DCUN1D5: variants seen among roughly 807,000 people sequenced by gnomAD.
The protein encoded by DCUN1D5 is DCN1-like protein 5.
DCUN1D5 carries 10 observed loss-of-function variants against 38.3 expected under a neutral mutation model. That is an observed-to-expected ratio of 0.26 (90% CI 0.16 to 0.44). The LOEUF (loss-of-function observed/expected upper bound fraction) is 0.44. Among genes scored for constraint, DCUN1D5 ranks in the 20% least tolerant of loss-of-function variants. The pLI is 1.00. For missense variants in DCUN1D5, 148 were observed against 275.3 expected (o/e 0.54, Z 3.27); for synonymous variants, 93 against 90.9 (o/e 1.02, Z -0.13).
Position 103,057,198 on chromosome 11 carries a change from A to G in DCUN1D5, c.*5161T>C, listed in dbSNP as rs1004300510. ...ATTTTATTTGCATGACAGAATAGTAAAGTATATAAACTAACTTCACTTAAG... is the reference window on the plus strand; with the variant it reads ...ATTTTATTTGCATGACAGAATAGTAGAGTATATAAACTAACTTCACTTAAG... On this transcript the variant is annotated 3_prime_UTR_variant, in exon 8 of 8. Coordinates refer to ENST00000260247, the MANE Select transcript of DCUN1D5 (RefSeq NM_032299.4). The surrounding 1 kb of genome is among the most constrained non-coding windows in gnomAD (Gnocchi z 4.8). Among the ~76,000 whole-genome samples, 6 of 152,216 alleles carry G rather than the reference A, an allele frequency of 3.9e-5. No homozygotes were observed. The highest frequency in any genetic ancestry group is 1.4e-4 in the African/African-American group (6 of 41,450).
rs1218001070 is a variant in DCUN1D5 at position 103,051,444 on chromosome 11, T to C, written c.*10915A>G. 6.7e-6 allele frequency: 1 copy of C among 148,278 alleles called. No homozygotes were observed. The highest frequency in any genetic ancestry group is 1.5e-5 in the Non-Finnish European group (1 of 67,830). 9.2% of individuals were successfully genotyped at this position (148,278 alleles called of 1,614,324 possible). On this transcript the variant is annotated 3_prime_UTR_variant, in exon 8 of 8. Transcript: ENST00000260247. ...CCTGTGACATAACTTTGGAGTCTCA[T>C]GGGAGTTCCAAAGTTTTTCTCCTGA...
In DCUN1D5 at chr11:103,059,890, A is replaced by C. The variant is rs1861969015; in HGVS notation, c.*2469T>G. ...CCATACGGTATTTCATCCTGTACAA[A>C]GGGAAGTAGTTCTGAAAATTTTACA... On this transcript the variant is annotated 3_prime_UTR_variant, in exon 8 of 8. Transcript: ENST00000260247. 6.6e-6 allele frequency among the ~76,000 whole-genome samples: 1 copy of C among 152,138 alleles called. No individual in the cohort carries two copies. Among genetic ancestry groups the C allele is most frequent in the Non-Finnish European group, 1.5e-5 (1 of 68,020 alleles).
At chr11:103,084,758 G>A (rs1164363815) in intron 2 of DCUN1D5, among the ~76,000 whole-genome samples, 1 of 152,080 alleles carries the variant, frequency 6.6e-6, no homozygotes, top group Admixed American at 6.5e-5. Context: ...GGGAGGCCGA[G>A]GTGGGATTAT....
In DCUN1D5 at chr11:103,056,624, G is replaced by A. The variant is rs188088598; in HGVS notation, c.*5735C>T. On this transcript the variant is annotated 3_prime_UTR_variant, in exon 8 of 8. Transcript: ENST00000260247. This position sits in a 1 kb window ranked among gnomAD's most constrained non-coding sequence, Gnocchi z 4.9. ...TAAAATAAAAATCCCATAAAGGTTC[G>A]AAATTACTGTCTTGCTTCGTGCCCT... Among the ~76,000 whole-genome samples the A allele has an allele frequency of 2.0e-5, 3 of 152,198 alleles. No homozygotes were observed. Among genetic ancestry groups the A allele is most frequent in the Admixed American group, 6.5e-5 (1 of 15,282 alleles).
Position 103,066,082 on chromosome 11 carries a change from A to G in DCUN1D5, c.555+187T>C, listed in dbSNP as rs1367024090. Among the ~76,000 whole-genome samples the G allele has an allele frequency of 6.6e-6, 1 of 151,830 alleles. No homozygotes were observed. Among genetic ancestry groups the G allele is most frequent in the Admixed American group, 6.6e-5 (1 of 15,252 alleles). On this transcript the variant is annotated intron_variant, in intron 6 of 7. Coordinates refer to ENST00000260247, the MANE Select transcript of DCUN1D5 (RefSeq NM_032299.4). The surrounding 1 kb of genome is among the most constrained non-coding windows in gnomAD (Gnocchi z 4.7). Reference sequence around the variant, plus strand: ...GGGGGGGTAGGATTGAAAATATCTTAGGTACAAAATATATTAATAAACATG... The same window carrying G: ...GGGGGGGTAGGATTGAAAATATCTTGGGTACAAAATATATTAATAAACATG...
intron 4 of DCUN1D5, among the ~76,000 whole-genome samples, chr11:103,069,929 A>C (rs1161683310): frequency 6.6e-6 from 1 of 152,210 alleles, no homozygotes; most frequent in East Asian, 1.9e-4. Context: ...TCCAGGTTTC[A>C]ATTTAAAAAA....
Position 103,091,576 on chromosome 11 carries a change from G to A in DCUN1D5, c.86+211C>T. 1 of 759,856 alleles carries A rather than the reference G, an allele frequency of 1.3e-6. No individual in the cohort carries two copies. The highest frequency in any genetic ancestry group is 2.1e-6 in the Non-Finnish European group (1 of 472,502). The allele number at this position is 759,856 out of a possible 1,614,324, so 47.1% of individuals were successfully genotyped here. ...ACTCTTAACGTGGGCGGCTCTTCTA[G>A]TCTCTCCATAAACGCCAGCGTGCAC... On this transcript the variant is annotated intron_variant, in intron 1 of 7. Transcript: ENST00000260247. This position sits in a 1 kb window ranked among gnomAD's most constrained non-coding sequence, Gnocchi z 4.3.
Position 103,052,293 on chromosome 11 carries a change from T to C in DCUN1D5, c.*10066A>G, listed in dbSNP as rs1565277741. 6.6e-6 allele frequency: 1 copy of C among 152,208 alleles called. No individual in the cohort carries two copies. Among genetic ancestry groups the C allele is most frequent in the Non-Finnish European group, 1.5e-5 (1 of 68,024 alleles). The allele number at this position is 152,208 out of a possible 1,614,324, so 9.4% of individuals were successfully genotyped here. ...ACATATGTGTACAATTGGTCATTCA[T>C]TCATTAATTCAGTAAGCAAACTCAA... On this transcript the variant is annotated 3_prime_UTR_variant, in exon 8 of 8. Coordinates refer to ENST00000260247, the MANE Select transcript of DCUN1D5 (RefSeq NM_032299.4).
At position 103,084,296 on chromosome 11, in the gene DCUN1D5, A is replaced by G. The variant is rs532161939; in HGVS notation, c.179-970T>C. Among the ~76,000 whole-genome samples the G allele has an allele frequency of 7.6e-4, 116 of 152,330 alleles. 1 individual carries two copies. The highest frequency in any genetic ancestry group is 1.2e-4 in the Non-Finnish European group (8 of 68,026). The stretch of plus-strand genomic sequence containing the variant: ...TCAAGGATGAAAATCCTCCAGCTTT[A>G]TAAACCATAGACTAGACCAAGGCTG... On this transcript the variant is annotated intron_variant, in intron 2 of 7. Coordinates refer to ENST00000260247, the MANE Select transcript of DCUN1D5 (RefSeq NM_032299.4).
At position 103,073,499 on chromosome 11, in the gene DCUN1D5, T is replaced by C. The variant is rs1017336767; in HGVS notation, c.342-6932A>G. ...TAAAACAATTTTGAAACAGGATGCATAAGTCTACCTGATTTCAAGTCTTAG... is the reference window on the plus strand; with the variant it reads ...TAAAACAATTTTGAAACAGGATGCACAAGTCTACCTGATTTCAAGTCTTAG... On this transcript the variant is annotated intron_variant, in intron 4 of 7. Coordinates refer to ENST00000260247, the MANE Select transcript of DCUN1D5 (RefSeq NM_032299.4). This position sits in a 1 kb window ranked among gnomAD's most constrained non-coding sequence, Gnocchi z 4.2. Among the ~76,000 whole-genome samples the C allele has an allele frequency of 4.6e-5, 7 of 152,212 alleles. No individual in the cohort carries two copies. The highest frequency in any genetic ancestry group is 7.3e-5 in the Non-Finnish European group (5 of 68,034).
In DCUN1D5 at chr11:103,058,271, C is replaced by T. The variant is rs951403643; in HGVS notation, c.*4088G>A. Among the ~76,000 whole-genome samples, 1 of 152,066 alleles carries T rather than the reference C, an allele frequency of 6.6e-6. No individual in the cohort carries two copies. The highest frequency in any genetic ancestry group is 2.4e-5 in the African/African-American group (1 of 41,420). On this transcript the variant is annotated 3_prime_UTR_variant, in exon 8 of 8. Transcript: ENST00000260247. Reference sequence around the variant, plus strand: ...GATCCTAAAAAGAAAATGGTCACACCAATAACAACTGGTCAGGAAAAGGAG... The same window carrying T: ...GATCCTAAAAAGAAAATGGTCACACTAATAACAACTGGTCAGGAAAAGGAG...
intron 2 of DCUN1D5, among the ~76,000 whole-genome samples, chr11:103,084,994 T>A (rs895720497): frequency 6.6e-6 from 1 of 151,538 alleles, no homozygotes; most frequent in Non-Finnish European, 1.5e-5. Flanking sequence ...CAAAAAAAAA[T>A]AAAAAATAAA....
Position 103,054,632 on chromosome 11 carries a change from GTTAA to G in DCUN1D5, c.*7723_*7726del, listed in dbSNP as rs1199241377. On this transcript the variant is annotated 3_prime_UTR_variant, in exon 8 of 8. Coordinates refer to ENST00000260247, the MANE Select transcript of DCUN1D5 (RefSeq NM_032299.4). Reference sequence around the variant, plus strand: ...CTCATATAATAATACCCAGCACATAGTTAATTATTTCCTGAAAAAATGTTTTCAT... The same window carrying G: ...CTCATATAATAATACCCAGCACATAGTTATTTCCTGAAAAAATGTTTTCAT... 6.6e-6 allele frequency: 1 copy of G among 151,990 alleles called. No homozygotes were observed. The highest frequency in any genetic ancestry group is 2.4e-5 in the African/African-American group (1 of 41,390). 9.4% of individuals were successfully genotyped at this position (151,990 alleles called of 1,614,324 possible).
chr11:103,077,305 A>G lies in DCUN1D5; in HGVS notation c.341+5443T>C, dbSNP rs2134622572. On this transcript the variant is annotated intron_variant, in intron 4 of 7. Transcript: ENST00000260247. This position sits in a 1 kb window ranked among gnomAD's most constrained non-coding sequence, Gnocchi z 4.3. Reference sequence around the variant, plus strand: ...CCAACATACCGAAGCAGTTACTAACAGCAATACAATTTTTATATCGAATCT... The same window carrying G: ...CCAACATACCGAAGCAGTTACTAACGGCAATACAATTTTTATATCGAATCT... Among the ~76,000 whole-genome samples, 1 of 152,342 alleles carries G rather than the reference A, an allele frequency of 6.6e-6. No homozygotes were observed. Among genetic ancestry groups the G allele is most frequent in the South Asian group, 2.1e-4 (1 of 4,828 alleles).
At position 103,091,964 on chromosome 11, in the gene DCUN1D5, A is replaced by G; in HGVS notation, c.-92T>C. 2 of 1,236,690 alleles carry G rather than the reference A, an allele frequency of 1.6e-6. No individual in the cohort carries two copies. Among genetic ancestry groups the G allele is most frequent in the Admixed American group, 2.5e-5 (1 of 40,654 alleles). The allele number at this position is 1,236,690 out of a possible 1,614,324, so 76.6% of individuals were successfully genotyped here. ...CTCAGCGCTGGCACCCAGTTCCCAG[A>G]GACAGCAGCAAGCGGAGGAGCAGAG... On this transcript the variant is annotated 5_prime_UTR_variant, in exon 1 of 8. Transcript: ENST00000260247. The surrounding 1 kb of genome is among the most constrained non-coding windows in gnomAD (Gnocchi z 4.3).
At chr11:103,068,658 AAAC>A (rs1464728413) in intron 4 of DCUN1D5, among the ~76,000 whole-genome samples, 1 of 152,144 alleles carries the variant, frequency 6.6e-6, no homozygotes, top group African/African-American at 2.4e-5. Context: ...ACAAAGAAGG[AAAC>A]AACAGACACT....
rs1259643716 is a variant in DCUN1D5 at position 103,092,097 on chromosome 11, C to A, written c.-225G>T. ...GCTGGCTCCTCGCCGGTGGACACTG[C>A]GGTTCGTTCTCACCGGGAGGAGATA... On this transcript the variant is annotated 5_prime_UTR_variant, in exon 1 of 8. Transcript: ENST00000260247. The A allele has an allele frequency of 1.9e-6, 1 of 522,910 alleles. No homozygotes were observed. The highest frequency in any genetic ancestry group is 3.4e-6 in the Non-Finnish European group (1 of 296,028). 32.4% of individuals were successfully genotyped at this position (522,910 alleles called of 1,614,324 possible).
At position 103,064,345 on chromosome 11, in the gene DCUN1D5, T is replaced by C. The variant is rs370307520; in HGVS notation, c.588A>G (p.Gln196=). 8.4e-5 allele frequency: 135 copies of C among 1,608,662 alleles called. No individual in the cohort carries two copies. Among genetic ancestry groups the C allele is most frequent in the African/African-American group, 1.2e-4 (9 of 74,890 alleles). The change falls in exon 7 of 8, where the codon CAA becomes CAG. Residue 196 remains glutamine, a synonymous_variant. Coordinates refer to ENST00000260247, the MANE Select transcript of DCUN1D5 (RefSeq NM_032299.4). This position sits in a 1 kb window ranked among gnomAD's most constrained non-coding sequence, Gnocchi z 4.5. ...TGCTGAATTCTAATACATTGTACCA[T>C]TGATCTTTGTTCATAACACGATACT... ...QSKYRVMNKD[Q]WYNVLEFSRT...
At chr11:103,080,700 A>G (rs1308796309) in intron 4 of DCUN1D5, among the ~76,000 whole-genome samples, 1 of 152,160 alleles carries the variant, frequency 6.6e-6, no homozygotes, top group African/African-American at 2.4e-5. Context: ...TTCCTACAGG[A>G]AAGGTGTGCT....
Sources: gnomAD v4.1 joint callset for allele counts (sites outside exome capture counted in the v4.1 genomes callset) on GRCh38, gnomAD v4.1.1 for gene constraint, Gnocchi (gnomAD v3.1) non-coding constraint, MANE v1.5 for transcripts, NCBI Gene and HGNC (gene_info 2026-07-23, HGNC 2026-07-21) for gene names.